RAB2A: variants seen among roughly 807,000 people sequenced by gnomAD.
The protein encoded by RAB2A is RAB2A, member RAS oncogene family, also known as ras-related protein Rab-2A.
A neutral mutation model predicts 32.5 loss-of-function variants in RAB2A; 7 were observed. The ratio of observed to expected loss-of-function variants is 0.22; its 90% CI spans 0.12 to 0.40. The LOEUF (loss-of-function observed/expected upper bound fraction) is 0.40. Among genes scored for constraint, RAB2A ranks in the 10% least tolerant of loss-of-function variants. RAB2A has a pLI of 1.00. For missense variants in RAB2A, 108 were observed against 260.7 expected, an observed-to-expected ratio of 0.41 and a Z score of 4.03; for synonymous variants, 79 against 85.2, an observed-to-expected ratio of 0.93 and a Z score of 0.40.
At chr8:60,520,411 G>GA in intron 1 of RAB2A, among the ~76,000 whole-genome samples, 1 of 152,276 alleles carries the variant, frequency 6.6e-6, no homozygotes, top group East Asian at 1.9e-4. Context: ...AGCATGGAGA[G>GA]AAAAAATACG....
At chr8:60,586,558 A>T (rs1189169021) in intron 5 of RAB2A, among the ~76,000 whole-genome samples, 2 of 152,126 alleles carry the variant, frequency 1.3e-5, no homozygotes, top group African/African-American at 4.8e-5. Context: ...TAAATAAATG[A>T]AGAGATATAA....
intron 2 of RAB2A, among the ~76,000 whole-genome samples, chr8:60,560,748 GTT>G (rs56360493): frequency 6.9e-6 from 1 of 144,358 alleles, no homozygotes; most frequent in Non-Finnish European, 1.5e-5. Flanking sequence ...TTTGTTTTTT[GTT>G]TTTTTTTTTT....
At chr8:60,556,516 GA>G (rs1442867446) in intron 1 of RAB2A, among the ~76,000 whole-genome samples, 9 of 151,610 alleles carry the variant, frequency 5.9e-5, no homozygotes, top group Admixed American at 3.3e-4. Context: ...TAAGAACACG[GA>G]AACTAGGTGT....
intron 5 of RAB2A, among the ~76,000 whole-genome samples, chr8:60,589,178 T>C (rs1803894447): frequency 6.6e-6 from 1 of 152,256 alleles, no homozygotes; most frequent in African/African-American, 2.4e-5. Flanking sequence ...TTTTTCCTTG[T>C]GGCTGAAACA....
intron 1 of RAB2A, among the ~76,000 whole-genome samples, chr8:60,526,740 G>T (rs923357731): frequency 6.6e-6 from 1 of 152,096 alleles, no homozygotes; most frequent in Non-Finnish European, 1.5e-5. Flanking sequence ...AGGCTGAGGC[G>T]GGTGGATTGC....
At chr8:60,575,957 C>G (rs1043557869) in intron 3 of RAB2A, among the ~76,000 whole-genome samples, 1 of 152,112 alleles carries the variant, frequency 6.6e-6, no homozygotes, top group Non-Finnish European at 1.5e-5. Flanking sequence ...ACCTGGCCTA[C>G]AGGATGTTTG....
chr8:60,547,686 G>A (rs1459753060), intron 1 of RAB2A, among the ~76,000 whole-genome samples: 2 of 123,020 alleles, frequency 1.6e-5, no homozygotes, highest in Non-Finnish European at 1.8e-5. Context: ...GGACGGGGCG[G>A]CTGGCCGGGC....
intron 1 of RAB2A, among the ~76,000 whole-genome samples, chr8:60,550,144 G>C (rs1193332437): frequency 1.3e-5 from 2 of 152,162 alleles, no homozygotes; most frequent in Non-Finnish European, 2.9e-5. Context: ...TGGAACTGAT[G>C]ATCTGTCCAC....
chr8:60,576,577 C>G (rs1392067650), intron 3 of RAB2A, among the ~76,000 whole-genome samples: 1 of 152,162 alleles, frequency 6.6e-6, no homozygotes, highest in African/African-American at 2.4e-5. Flanking sequence ...AACTAACATG[C>G]TAAAAGTTTC....
chr8:60,521,955 C>G (rs925773945), intron 1 of RAB2A, among the ~76,000 whole-genome samples: 1 of 152,132 alleles, frequency 6.6e-6, no homozygotes, highest in Non-Finnish European at 1.5e-5. Flanking sequence ...TGATTTGGAG[C>G]ATTGGTTCAC....
chr8:60,550,641 C>T (rs947096793), intron 1 of RAB2A, among the ~76,000 whole-genome samples: 28 of 152,104 alleles, frequency 1.8e-4, no homozygotes, highest in Non-Finnish European at 2.9e-4. Context: ...CCTACCTTGG[C>T]CTCCCAAAGT....
chr8:60,535,114 A>G (rs1221010174), intron 1 of RAB2A, among the ~76,000 whole-genome samples: 3 of 152,224 alleles, frequency 2.0e-5, no homozygotes, highest in Non-Finnish European at 4.4e-5. Flanking sequence ...CACAGGTAGG[A>G]GAAAGAAATC....
At chr8:60,522,604 G>C (rs1026412976) in intron 1 of RAB2A, among the ~76,000 whole-genome samples, 23 of 152,154 alleles carry the variant, frequency 1.5e-4, no homozygotes, top group African/African-American at 4.6e-4. Flanking sequence ...GTAGAACCAT[G>C]CATGGGTTAT....
Position 60,584,392 on chromosome 8 carries a change from G to A in RAB2A, c.269+102G>A, listed in dbSNP as rs1310174875. 7 of 945,684 alleles carry A rather than the reference G, an allele frequency of 7.4e-6. No individual in the cohort carries two copies. The East Asian group carries it at 7.4e-5, about 10-fold the overall frequency. 58.6% of individuals were successfully genotyped at this position (945,684 alleles called of 1,614,324 possible). ...AAGAATAGCTTAGCCTTTCTGCCCC[G>A]GCTACTCACCTTTAAAACTGCATCT... On this transcript the variant is annotated intron_variant, in intron 4 of 7. Coordinates refer to ENST00000262646, the MANE Select transcript of RAB2A (RefSeq NM_002865.3).
intron 5 of RAB2A, among the ~76,000 whole-genome samples, chr8:60,590,537 A>G (rs559126683): frequency 1.4e-5 from 2 of 146,564 alleles, no homozygotes; most frequent in Admixed American, 1.4e-4. Context: ...AAATATATAT[A>G]TATATTTTAT....
At chr8:60,546,743 T>C (rs554345491) in intron 1 of RAB2A, among the ~76,000 whole-genome samples, 1 of 152,300 alleles carries the variant, frequency 6.6e-6, no homozygotes, top group South Asian at 2.1e-4. Flanking sequence ...ATTTTGAAAA[T>C]GATTGCGTGC....
intron 1 of RAB2A, among the ~76,000 whole-genome samples, chr8:60,541,943 C>G (rs1293254024): frequency 1.3e-5 from 2 of 152,012 alleles, no homozygotes; most frequent in African/African-American, 2.4e-5. Flanking sequence ...CCCCTGAAAC[C>G]AGACAGTTAA....
chr8:60,527,097 T>C (rs1304709873), intron 1 of RAB2A, among the ~76,000 whole-genome samples: 1 of 152,030 alleles, frequency 6.6e-6, no homozygotes, highest in South Asian at 2.1e-4. Context: ...CTTATAATCA[T>C]GGCAGAAGGT....
chr8:60,547,972 C>T (rs1369944732), intron 1 of RAB2A, among the ~76,000 whole-genome samples: 1 of 60,316 alleles, frequency 1.7e-5, no homozygotes, highest in Non-Finnish European at 3.3e-5. Flanking sequence ...AGGCGCCCCT[C>T]ACTTCCCGGA....
Sources: allele counts gnomAD v4.1 joint callset (sites outside exome capture counted in the v4.1 genomes callset), GRCh38; gene constraint gnomAD v4.1.1; transcripts MANE v1.5; gene names NCBI Gene and HGNC (gene_info 2026-07-23, HGNC 2026-07-21).